PC: variants seen among roughly 807,000 people sequenced by gnomAD.
PC encodes the protein pyruvate carboxylase, also known as pyruvate carboxylase, mitochondrial.
In PC, 46 loss-of-function variants were observed where a neutral mutation model predicts 107.8. The observed-to-expected ratio is 0.43, with a 90% CI of 0.34 to 0.55. The LOEUF is 0.55. Ranked by LOEUF, PC falls within the 20% of genes least tolerant of loss-of-function variation. The pLI is 0.04. For missense variants in PC, 1,241 were observed against 1,643.1 expected (o/e 0.76, Z 4.23); for synonymous variants, 662 against 684.7 (o/e 0.97, Z 0.52).
intron 3 of PC, 101 bp downstream of exon 3, chr11:66,952,329 T>C (rs1028306793): frequency 7.9e-5 from 12 of 152,204 alleles, no homozygotes; most frequent in African/African-American, 2.9e-4. Context: ...TTTTTATTGA[T>C]TGAGCTTAAG....
chr11:66,863,904 A>G lies in PC; in HGVS notation c.1238T>C (p.Phe413Ser), dbSNP rs748572101. ...MGIRLDNASA[F>S]QGAVISPHYD... Reference sequence around the variant, plus strand: ...GTGGGGCGAGATGACGGCTCCTTGGAAGGCGGAAGCATTATCCAGGCGGAT... The same window carrying G: ...GTGGGGCGAGATGACGGCTCCTTGGGAGGCGGAAGCATTATCCAGGCGGAT... The change falls in exon 12 of 23, where the codon TTC (phenylalanine) becomes TCC (serine). Residue 413 changes from phenylalanine to serine, a missense_variant. Physicochemically the swap from Phe to Ser is radical, Grantham distance 155. Transcript: ENST00000393960. 3.1e-6 allele frequency: 5 copies of G among 1,613,898 alleles called. No homozygotes were observed. The highest frequency in any genetic ancestry group is 1.3e-5 in the African/African-American group (1 of 74,920).
Position 66,953,021 on chromosome 11 carries a change from G to T in PC, c.-39-553C>A, listed in dbSNP as rs150435618. Reference sequence around the variant, plus strand: ...ATAATAACAATGCCCATCTCACAGCGTACTAGGGAATACCCAATGAGGCAG... The same window carrying T: ...ATAATAACAATGCCCATCTCACAGCTTACTAGGGAATACCCAATGAGGCAG... On this transcript the variant is annotated intron_variant, in intron 2 of 22. Transcript: ENST00000393960. 3.4e-3 allele frequency among the ~76,000 whole-genome samples: 519 copies of T among 152,310 alleles called. 3 individuals are homozygous for T. The highest frequency in any genetic ancestry group is 4.0e-3 in the Non-Finnish European group (275 of 68,038).
Position 66,870,172 on chromosome 11 carries a change from A to T in PC, c.903+130T>A. On this transcript the variant is annotated intron_variant, in intron 9 of 22. Coordinates refer to ENST00000393960, the MANE Select transcript of PC (RefSeq NM_001040716.2). This position sits in a 1 kb window ranked among gnomAD's most constrained non-coding sequence, Gnocchi z 6.1. ...CTTCTGGCCCCCAGGAGAGTCCTTC[A>T]CCCTCTTCTCCCCATCCCCAGTCCC... The T allele has an allele frequency of 1.7e-6, 2 of 1,150,448 alleles. No homozygotes were observed. Among genetic ancestry groups the T allele is most frequent in the Non-Finnish European group, 2.5e-6 (2 of 790,462 alleles). 71.3% of individuals were successfully genotyped at this position (1,150,448 alleles called of 1,614,324 possible). A position where few individuals can be genotyped will look rare whatever the true frequency, so the allele number is the denominator to read the frequency against.
intron 3 of PC, among the ~76,000 whole-genome samples, chr11:66,947,070 G>A (rs1949315803): frequency 6.6e-6 from 1 of 152,148 alleles, no homozygotes; most frequent in Non-Finnish European, 1.5e-5. Flanking sequence ...AACCACGTCA[G>A]AAAATTTGGC....
At chr11:66,953,889 G>A (rs1949494117) in intron 2 of PC, among the ~76,000 whole-genome samples, 1 of 152,194 alleles carries the variant, frequency 6.6e-6, no homozygotes, top group South Asian at 2.1e-4. Flanking sequence ...TCATTTGTAA[G>A]AGATGGATCT....
chr11:66,924,128 G>T, intron 3 of PC, among the ~76,000 whole-genome samples: 1 of 150,800 alleles, frequency 6.6e-6, no homozygotes, highest in African/African-American at 2.4e-5. Flanking sequence ...CTTGAACCCA[G>T]GAGGCAGAGG....
In PC at chr11:66,870,434, G is replaced by A. The variant is rs2135935969; in HGVS notation, c.771C>T (p.Ile257=). The A allele has an allele frequency of 1.2e-6, 2 of 1,613,620 alleles. No individual in the cohort carries two copies. Among genetic ancestry groups the A allele is most frequent in the Non-Finnish European group, 1.7e-6 (2 of 1,179,998 alleles). Residue 257 remains isoleucine, a synonymous_variant, in exon 9 of 23, where the codon ATC becomes ATT. Coordinates refer to ENST00000393960, the MANE Select transcript of PC (RefSeq NM_001040716.2). The surrounding 1 kb of genome is among the most constrained non-coding windows in gnomAD (Gnocchi z 6.1). ...AGCAGTCTCGCTCGTACAGGTGCAG[G>A]ATGTTCCCATACTGGTCCCCTGGGG... ...VQILGDQYGN[I]LHLYERDCSI...
intron 3 of PC, among the ~76,000 whole-genome samples, chr11:66,899,031 C>G (rs893864055): frequency 6.6e-6 from 1 of 152,038 alleles, no homozygotes; most frequent in South Asian, 2.1e-4. Flanking sequence ...CCACCATGCC[C>G]GGCTAATTTT....
intron 10 of PC, among the ~76,000 whole-genome samples, chr11:66,867,273 C>T (rs990364354): frequency 1.3e-5 from 2 of 152,178 alleles, no homozygotes; most frequent in African/African-American, 2.4e-5. Flanking sequence ...GTAATCCCAG[C>T]TACTCAGGAG....
At chr11:66,892,941 TGGAGG>T (rs1947628841) in intron 3 of PC, among the ~76,000 whole-genome samples, 1 of 148,962 alleles carries the variant, frequency 6.7e-6, no homozygotes, top group South Asian at 2.1e-4. Flanking sequence ...TGGGGGTGGG[TGGAGG>T]GGAGGCAGAG....
intron 3 of PC, among the ~76,000 whole-genome samples, chr11:66,923,884 C>CAAAAAAAA (rs71045969): frequency 9.0e-6 from 1 of 111,020 alleles, no homozygotes; most frequent in Admixed American, 9.8e-5. Flanking sequence ...GACCTCAAGG[C>CAAAAAAAA]AAAAAAAAAA....
At chr11:66,853,788 G>A (rs951796503) in intron 12 of PC, among the ~76,000 whole-genome samples, 2 of 152,176 alleles carry the variant, frequency 1.3e-5, no homozygotes, top group Non-Finnish European at 2.9e-5. Context: ...TCCCAGCTGA[G>A]TCCAGCGGGC....
At chr11:66,851,745 C>G (rs1346902325) in intron 16 of PC, 45 bp downstream of exon 16, 2 of 1,605,292 alleles carry the variant, frequency 1.2e-6, no homozygotes, top group East Asian at 4.5e-5. Context: ...TCGGTACCCT[C>G]TGGGCCACAC....
At chr11:66,924,256 G>A (rs1188914777) in intron 3 of PC, among the ~76,000 whole-genome samples, 2 of 149,344 alleles carry the variant, frequency 1.3e-5, no homozygotes, top group Non-Finnish European at 3.0e-5. Context: ...GTTGAGCCAG[G>A]CATGGTGGCT....
intron 3 of PC, among the ~76,000 whole-genome samples, chr11:66,917,601 T>C (rs1053415260): frequency 6.6e-6 from 1 of 152,226 alleles, no homozygotes; most frequent in Admixed American, 6.5e-5. Flanking sequence ...CGTTTGTTGC[T>C]TTGGACGCTG....
At chr11:66,899,394 A>G (rs1262546117) in intron 3 of PC, among the ~76,000 whole-genome samples, 1 of 152,070 alleles carries the variant, frequency 6.6e-6, no homozygotes, top group Non-Finnish European at 1.5e-5. Flanking sequence ...CCATAATATT[A>G]TTGATTTTAC....
intron 3 of PC, among the ~76,000 whole-genome samples, chr11:66,917,472 G>T (rs536173403): frequency 6.6e-6 from 1 of 152,108 alleles, no homozygotes; most frequent in Non-Finnish European, 1.5e-5. Context: ...TTCCTACCTA[G>T]GATGGAGTTC....
chr11:66,912,521 G>A (rs1445649655), intron 3 of PC, among the ~76,000 whole-genome samples: 1 of 152,208 alleles, frequency 6.6e-6, no homozygotes, highest in Non-Finnish European at 1.5e-5. Context: ...AGGTGGGATG[G>A]CTGACCTCAG....
intron 12 of PC, among the ~76,000 whole-genome samples, chr11:66,854,953 C>T (rs764209385): frequency 5.9e-5 from 9 of 152,320 alleles, no homozygotes; most frequent in Middle Eastern, 3.4e-3. Context: ...CAAAGAGCCC[C>T]GAGCGCGCAG....
Sources: allele counts gnomAD v4.1 joint callset (sites outside exome capture counted in the v4.1 genomes callset), GRCh38; gene constraint gnomAD v4.1.1; non-coding constraint Gnocchi (gnomAD v3.1); transcripts MANE v1.5; gene names NCBI Gene and HGNC (gene_info 2026-07-23, HGNC 2026-07-21).